Variants in TADA2A observed in about 807,000 individuals in gnomAD.
The protein encoded by TADA2A is transcriptional adapter 2-alpha.
A neutral mutation model predicts 67.4 loss-of-function variants in TADA2A; 38 were observed. The ratio of observed to expected loss-of-function variants is 0.56; its 90% CI spans 0.44 to 0.74. The LOEUF is 0.74. Among genes scored for constraint, TADA2A ranks in the 30% least tolerant of loss-of-function variants. TADA2A has a pLI of 0.00. For missense variants in TADA2A, 454 were observed against 547.0 expected (o/e 0.83, Z 1.70); for synonymous variants, 192 against 181.6 (o/e 1.06, Z -0.46).
chr17:37,443,094 T>G (rs560957520), intron 7 of TADA2A, among the ~76,000 whole-genome samples: 58 of 152,110 alleles, frequency 3.8e-4, no homozygotes, highest in African/African-American at 1.3e-3. Context: ...CCTGGGAGGT[T>G]AAGGCTGTAG....
intron 8 of TADA2A, among the ~76,000 whole-genome samples, chr17:37,448,726 T>C (rs568389973): frequency 1.2e-3 from 181 of 152,328 alleles, no homozygotes; most frequent in Non-Finnish European, 1.5e-3. Flanking sequence ...GCAAGAGATA[T>C]GATGAGCTCC....
chr17:37,422,498 T>C lies in TADA2A; in HGVS notation c.26-1011T>C, dbSNP rs202208821. 1.2e-3 allele frequency among the ~76,000 whole-genome samples: 171 copies of C among 144,962 alleles called. 4 individuals are homozygous for C. The East Asian group carries it at 0.03, about 26-fold the overall frequency. On this transcript the variant is annotated intron_variant, in intron 2 of 15. Coordinates refer to ENST00000615182, the MANE Select transcript of TADA2A (RefSeq NM_001166105.3). ...GCCCAGCTGATTATTATTATTATTA[T>C]TATTATTATTATTATTATTATTATT...
chr17:37,423,418 C>A, intron 2 of TADA2A, 91 bp from the exon 3 acceptor site: 3 of 995,518 alleles, frequency 3.0e-6, no homozygotes, highest in Admixed American at 4.9e-5. Context: ...TAGCTCACTA[C>A]TTGTGTGGTC....
chr17:37,444,612 T>A lies in TADA2A; in HGVS notation c.532-84T>A, dbSNP rs1245486320. ...CAACTGTTTGCTTGTGTTTTTTCTGTTTACTTCTAAAGCATGGCTGCTGTA... is the reference window on the plus strand; with the variant it reads ...CAACTGTTTGCTTGTGTTTTTTCTGATTACTTCTAAAGCATGGCTGCTGTA... On this transcript the variant is annotated intron_variant, in intron 7 of 15. Coordinates refer to ENST00000615182, the MANE Select transcript of TADA2A (RefSeq NM_001166105.3). 6.9e-6 allele frequency: 8 copies of A among 1,161,574 alleles called. No homozygotes were observed. In the East Asian group the frequency reaches 1.7e-4, roughly 25 times the overall value. 72.0% of individuals were successfully genotyped at this position (1,161,574 alleles called of 1,614,324 possible).
chr17:37,429,045 C>CAAA (rs375811520), intron 4 of TADA2A, among the ~76,000 whole-genome samples: 7 of 109,584 alleles, frequency 6.4e-5, no homozygotes, highest in African/African-American at 1.6e-4. Flanking sequence ...GACTCCGTCT[C>CAAA]AAAAAAAAAA....
chr17:37,410,377 T>C (rs1597835553), intron 1 of TADA2A, among the ~76,000 whole-genome samples: 1 of 151,180 alleles, frequency 6.6e-6, no homozygotes, highest in Non-Finnish European at 1.5e-5. Flanking sequence ...GGTCTCCCTA[T>C]GTTGCCCAGG....
chr17:37,430,276 G>C (rs2147942343), intron 4 of TADA2A, among the ~76,000 whole-genome samples: 1 of 152,206 alleles, frequency 6.6e-6, no homozygotes, highest in Admixed American at 6.6e-5. Context: ...TTTACTTTGG[G>C]GAGCTTTTGG....
chr17:37,435,846 C>G (rs2052708888), intron 4 of TADA2A, among the ~76,000 whole-genome samples: 1 of 152,094 alleles, frequency 6.6e-6, no homozygotes, highest in Non-Finnish European at 1.5e-5. Flanking sequence ...TCCCAAAGTG[C>G]TGGGACTACA....
intron 4 of TADA2A, among the ~76,000 whole-genome samples, chr17:37,430,397 T>C (rs1329799799): frequency 6.6e-6 from 1 of 152,246 alleles, no homozygotes; most frequent in East Asian, 1.9e-4. Flanking sequence ...TTGATTTTTT[T>C]GCCTCAGATA....
chr17:37,442,198 C>CTTTTTTTTTTTTTTTTTT (rs760306260), intron 6 of TADA2A, among the ~76,000 whole-genome samples: 3 of 75,412 alleles, frequency 4.0e-5, no homozygotes, highest in Non-Finnish European at 8.3e-5. Flanking sequence ...TTTTTCCCGT[C>CTTTTTTTTTTTTTTTTTT]TTTTTTTTTT....
rs575738175 is a variant in TADA2A, at chr17:37,431,272, G to T, written c.192+4263G>T. 4.0e-4 allele frequency among the ~76,000 whole-genome samples: 61 copies of T among 152,188 alleles called. 3 individuals are homozygous for T. The highest frequency in any genetic ancestry group is 3.7e-3 in the Admixed American group (57 of 15,282). On this transcript the variant is annotated intron_variant, in intron 4 of 15. Coordinates refer to ENST00000615182, the MANE Select transcript of TADA2A (RefSeq NM_001166105.3). ...TTTATTATCTCCCACAGTTTTGTGG[G>T]TCAGGCATTCAGATTAGGCACAGTG...
chr17:37,434,565 A>G (rs2052665474), intron 4 of TADA2A, among the ~76,000 whole-genome samples: 1 of 152,194 alleles, frequency 6.6e-6, no homozygotes, highest in Non-Finnish European at 1.5e-5. Context: ...TGTGTTTCCT[A>G]TAAATTAGTA....
chr17:37,463,207 C>T (rs1444769777), intron 10 of TADA2A, among the ~76,000 whole-genome samples: 1 of 152,068 alleles, frequency 6.6e-6, no homozygotes, highest in Non-Finnish European at 1.5e-5. Flanking sequence ...AACATAGAGG[C>T]TTCCACAACT....
At chr17:37,407,593 A>G (rs1453941916) in intron 1 of TADA2A, 2 of 151,808 alleles carry the variant, frequency 1.3e-5, no homozygotes, top group Non-Finnish European at 2.9e-5. Flanking sequence ...AAAGGGGGAG[A>G]AAGAAGATTC....
chr17:37,472,345 C>A (rs1350440917), intron 14 of TADA2A, among the ~76,000 whole-genome samples: 2 of 151,760 alleles, frequency 1.3e-5, no homozygotes, highest in South Asian at 2.1e-4. Flanking sequence ...GGATTACAGG[C>A]ATGAGCCACT....
intron 8 of TADA2A, among the ~76,000 whole-genome samples, chr17:37,455,618 T>C (rs1597918126): frequency 6.6e-6 from 1 of 152,272 alleles, no homozygotes; most frequent in East Asian, 1.9e-4. Flanking sequence ...CCTGACCTTG[T>C]GACCCACCTG....
chr17:37,423,888 T>G (rs1322740444), intron 3 of TADA2A, among the ~76,000 whole-genome samples: 1 of 151,822 alleles, frequency 6.6e-6, no homozygotes, highest in Non-Finnish European at 1.5e-5. Flanking sequence ...TAGCTGAGAT[T>G]ACAGGCACAC....
chr17:37,412,215 AAAG>A (rs2051898830), intron 2 of TADA2A, among the ~76,000 whole-genome samples: 1 of 130,746 alleles, frequency 7.6e-6, no homozygotes, highest in Non-Finnish European at 1.6e-5. Flanking sequence ...TGTCTCAAAA[AAAG>A]AAAAAAAAAA....
At chr17:37,446,267 G>C (rs545576934) in intron 8 of TADA2A, among the ~76,000 whole-genome samples, 1 of 151,988 alleles carries the variant, frequency 6.6e-6, no homozygotes, top group Non-Finnish European at 1.5e-5. Flanking sequence ...TGTCAGTCTC[G>C]TCAATCCCAG....
Sources: gnomAD v4.1 joint callset for allele counts (sites outside exome capture counted in the v4.1 genomes callset) on GRCh38, gnomAD v4.1.1 for gene constraint, MANE v1.5 for transcripts, NCBI Gene and HGNC (gene_info 2026-07-23, HGNC 2026-07-21) for gene names.